The following DENND4C variants were observed in gnomAD, a reference collection of about 807,000 sequenced individuals.
DENND4C encodes DENN domain containing 4C.
A neutral mutation model predicts 203.0 loss-of-function variants in DENND4C; 108 were observed. The ratio of observed to expected loss-of-function variants is 0.53; its 90% confidence interval spans 0.46 to 0.62. The LOEUF is 0.62. Ranked by LOEUF, DENND4C falls within the 20% of genes least tolerant of loss-of-function variation. The probability of loss-of-function intolerance (pLI) is 0.00; values close to 1 mark genes in which losing one functional copy is unlikely to be tolerated. For synonymous variants in DENND4C, 871 were observed against 792.4 expected, an observed-to-expected ratio of 1.10 and a Z score of -1.67; for missense variants, 2,481 against 2,301.2, an observed-to-expected ratio of 1.08 and a Z score of -1.60.
Position 19,305,482 on chromosome 9 carries a change from C to A in DENND4C, c.1442C>A (p.Pro481Gln). 1 of 1,613,684 alleles carries A rather than the reference C, an allele frequency of 6.2e-7. No individual in the cohort carries two copies. Among genetic ancestry groups the A allele is most frequent in the Non-Finnish European group, 8.5e-7 (1 of 1,179,928 alleles). The change falls in exon 10 of 33, where the codon CCA (proline) becomes CAA (glutamine). Residue 481 changes from proline (P) to glutamine (Q), a missense_variant. Coordinates refer to ENST00000434457, the MANE Select transcript of DENND4C (RefSeq NM_001330640.2). ...AGGTATTTTGATCTTCATGACCCACCACAAGATGTTGTTTGCATTGACTTG... is the reference window on the plus strand; with the variant it reads ...AGGTATTTTGATCTTCATGACCCACAACAAGATGTTGTTTGCATTGACTTG... ...DSRYFDLHDP[P>Q]QDVVCIDLDT...
intron 10 of DENND4C, among the ~76,000 whole-genome samples, chr9:19,315,712 T>C (rs1841712824): frequency 6.6e-6 from 1 of 151,384 alleles, no homozygotes; most frequent in Non-Finnish European, 1.5e-5. Context: ...TGGGGTTTTT[T>C]TTTTTCTTTT....
At chr9:19,254,759 G>GTA (rs894196739) in intron 1 of DENND4C, among the ~76,000 whole-genome samples, 8 of 152,088 alleles carry the variant, frequency 5.3e-5, no homozygotes, top group Non-Finnish European at 1.0e-4. Flanking sequence ...TACATAATGT[G>GTA]TATATATATA....
At chr9:19,335,381 A>G (rs530898628) in intron 18 of DENND4C, among the ~76,000 whole-genome samples, 6 of 152,152 alleles carry the variant, frequency 3.9e-5, no homozygotes, top group Admixed American at 2.0e-4. Context: ...AATCTCTTAG[A>G]AATTTTCAAA....
rs545963700 is a variant in DENND4C at position 19,258,593 on chromosome 9, G to T, written c.-17-17565G>T. Among the ~76,000 whole-genome samples the T allele has an allele frequency of 7.9e-5, 12 of 152,078 alleles. No individual in the cohort carries two copies. The South Asian group carries it at 2.3e-3, about 29-fold the overall frequency. On this transcript the variant is annotated intron_variant, in intron 1 of 32. Transcript: ENST00000434457. ...TAACAAATAAAAGAAAAGCCATAAT[G>T]ATCTCAGTAGATGCAGAAAAAGTGC...
At chr9:19,285,576 C>T (rs1216987705) in intron 2 of DENND4C, among the ~76,000 whole-genome samples, 3 of 135,844 alleles carry the variant, frequency 2.2e-5, no homozygotes, top group Non-Finnish European at 3.1e-5. Flanking sequence ...GTCTTTGTGA[C>T]TTTTTTTTTT....
At chr9:19,291,002 T>A in intron 5 of DENND4C, 126 bp downstream of exon 5, 2 of 910,208 alleles carry the variant, frequency 2.2e-6, no homozygotes, top group Non-Finnish European at 3.2e-6. Context: ...AAATTTACAC[T>A]GTCATCCCCA....
At chr9:19,367,236 CAGTT>C (rs567898526) in intron 30 of DENND4C, among the ~76,000 whole-genome samples, 48 of 152,272 alleles carry the variant, frequency 3.2e-4, no homozygotes, top group South Asian at 1.9e-3. Context: ...CAGACACTGT[CAGTT>C]AGAATATAAA....
chr9:19,266,205 A>G (rs2130748279), intron 1 of DENND4C, among the ~76,000 whole-genome samples: 1 of 152,330 alleles, frequency 6.6e-6, no homozygotes, highest in East Asian at 1.9e-4. Context: ...TCTGATGGCC[A>G]GTGATGATGA....
chr9:19,298,554 G>A (rs1837913893), intron 7 of DENND4C, among the ~76,000 whole-genome samples: 1 of 152,054 alleles, frequency 6.6e-6, no homozygotes, highest in African/African-American at 2.4e-5. Flanking sequence ...GCAGACGTAG[G>A]TAGGTGTACA....
intron 20 of DENND4C, among the ~76,000 whole-genome samples, chr9:19,339,766 G>A (rs1821206533): frequency 6.6e-6 from 1 of 152,110 alleles, no homozygotes; most frequent in African/African-American, 2.4e-5. Context: ...TCATTACTAT[G>A]ATGGCTACAA....
intron 2 of DENND4C, among the ~76,000 whole-genome samples, chr9:19,283,254 A>G (rs540133221): frequency 2.6e-5 from 4 of 151,990 alleles, no homozygotes; most frequent in Non-Finnish European, 1.5e-5. Flanking sequence ...GATCATCACT[A>G]TCTCTGCCTT....
chr9:19,361,761 A>G (rs1826533807), intron 29 of DENND4C, 85 bp from the exon 30 acceptor site: 1 of 728,034 alleles, frequency 1.4e-6, no homozygotes, highest in Non-Finnish European at 2.3e-6. Flanking sequence ...AAAAGGACTC[A>G]TCTGTTTTAT....
rs926014353 is a variant in DENND4C at position 19,275,518 on chromosome 9, T to G, written c.-17-640T>G. 1.6e-4 allele frequency among the ~76,000 whole-genome samples: 24 copies of G among 152,056 alleles called. 2 individuals are homozygous for G. Among genetic ancestry groups the G allele is most frequent in the Admixed American group, 4.6e-4 (7 of 15,260 alleles). ...TGGAGTTTCTCTCTTTCACCCAGGC[T>G]GAGGTGAAGTGGAGCAATCTCCGCT... On this transcript the variant is annotated intron_variant, in intron 1 of 32. Coordinates refer to ENST00000434457, the MANE Select transcript of DENND4C (RefSeq NM_001330640.2).
At position 19,305,505 on chromosome 9, in the gene DENND4C, T is replaced by C. The variant is rs1343281756; in HGVS notation, c.1465T>C (p.Leu489=). Residue 489 remains leucine, a synonymous_variant, in exon 10 of 33, where the codon TTG becomes CTG. Transcript: ENST00000434457. ...DPPQDVVCID[L]DTNMLYVSDE... is the part of the protein sequence containing the mutation. ...ACCACAAGATGTTGTTTGCATTGACTTGGATACGAACATGTTATATGTGTA... is the reference window on the plus strand; with the variant it reads ...ACCACAAGATGTTGTTTGCATTGACCTGGATACGAACATGTTATATGTGTA... The C allele has an allele frequency of 6.2e-7, 1 of 1,613,070 alleles. No individual in the cohort carries two copies. The highest frequency in any genetic ancestry group is 1.1e-5 in the South Asian group (1 of 91,068).
At chr9:19,291,337 T>A (rs930912879) in intron 5 of DENND4C, 1 of 152,990 alleles carries the variant, frequency 6.5e-6, no homozygotes, top group Admixed American at 6.5e-5. Context: ...AATGAATAGA[T>A]TGGGAAAAGA....
intron 5 of DENND4C, among the ~76,000 whole-genome samples, chr9:19,291,974 C>G (rs1836415457): frequency 6.6e-6 from 1 of 152,100 alleles, no homozygotes; most frequent in Non-Finnish European, 1.5e-5. Flanking sequence ...AAGATGTACT[C>G]TGAATCTGCA....
chr9:19,288,580 A>G lies in DENND4C; in HGVS notation c.559-16A>G, dbSNP rs1835670894. On this transcript the variant is annotated splice_polypyrimidine_tract_variant and intron_variant, in intron 3 of 32. Transcript: ENST00000434457. ...ACTCTTTTGTCTTTTTTATAAACCT[A>G]ATTCATGTTTTACAGTGGGGTTCCA... 1 of 1,227,888 alleles carries G rather than the reference A, an allele frequency of 8.1e-7. No homozygotes were observed. The highest frequency in any genetic ancestry group is 4.2e-5 in the Admixed American group (1 of 23,684). The allele number at this position is 1,227,888 out of a possible 1,614,324, so 76.1% of individuals were successfully genotyped here.
At chr9:19,325,902 G>T in intron 13 of DENND4C, 37 bp from the exon 14 acceptor site, 1 of 1,574,906 alleles carries the variant, frequency 6.3e-7, no homozygotes, top group South Asian at 1.2e-5. Context: ...ATTCATAGTG[G>T]ACATTTTCAT....
At chr9:19,329,181 A>T (rs1334949092) in intron 16 of DENND4C, among the ~76,000 whole-genome samples, 5 of 152,112 alleles carry the variant, frequency 3.3e-5, no homozygotes, top group African/African-American at 1.2e-4. Context: ...ATTTTCATCA[A>T]CCCCAAAAGA....
Sources: gnomAD v4.1 joint callset for allele counts (sites outside exome capture counted in the v4.1 genomes callset) on GRCh38, gnomAD v4.1.1 for gene constraint, MANE v1.5 for transcripts, NCBI Gene and HGNC (gene_info 2026-07-23, HGNC 2026-07-21) for gene names.